Variants in NPAS3 observed in about 807,000 individuals in gnomAD.
NPAS3 encodes the protein neuronal PAS domain-containing protein 3.
A neutral mutation model predicts 73.1 loss-of-function variants in NPAS3; 14 were observed. The ratio of observed to expected loss-of-function variants is 0.19; its 90% CI spans 0.13 to 0.30. NPAS3 has a LOEUF of 0.30. Among genes scored for constraint, NPAS3 ranks in the 10% least tolerant of loss-of-function variants. NPAS3 has a pLI of 1.00. For synonymous variants in NPAS3, 620 were observed against 541.5 expected, an observed-to-expected ratio of 1.14 and a Z score of -2.01; for missense variants, 1,096 against 1,250.0, an observed-to-expected ratio of 0.88 and a Z score of 1.86.
intron 4 of NPAS3, among the ~76,000 whole-genome samples, chr14:33,550,526 G>A (rs1195375430): frequency 1.3e-5 from 2 of 152,212 alleles, no homozygotes; most frequent in African/African-American, 2.4e-5. Flanking sequence ...GGCACATGGG[G>A]ATAAAAGCAG....
At chr14:33,764,023 A>G (rs17101863) in intron 7 of NPAS3, among the ~76,000 whole-genome samples, 3,979 of 152,226 alleles carry the variant, frequency 0.026, 177 homozygotes, top group African/African-American at 0.089. Flanking sequence ...CTACCCATCT[A>G]CATGGACAAT....
chr14:33,326,442 A>C (rs2043709913), intron 3 of NPAS3, among the ~76,000 whole-genome samples: 1 of 152,186 alleles, frequency 6.6e-6, no homozygotes, highest in African/African-American at 2.4e-5. Context: ...AACTTCGGCA[A>C]GTTAGAAAGT....
chr14:33,786,750 A>G (rs921357398), intron 9 of NPAS3, among the ~76,000 whole-genome samples: 1 of 152,220 alleles, frequency 6.6e-6, no homozygotes, highest in Non-Finnish European at 1.5e-5. Context: ...AACTTTTTCA[A>G]CAACCTCTCA....
rs1388921278 is a variant in NPAS3, at chr14:33,252,049, GTGTGTGTC to G, written c.385+36631_385+36638del. Among the ~76,000 whole-genome samples the G allele has an allele frequency of 8.7e-4, 73 of 83,840 alleles. 1 individual carries two copies. Among genetic ancestry groups the G allele is most frequent in the African/African-American group, 2.8e-3 (71 of 25,406 alleles). The allele number at this position is 83,840 out of a possible 152,430, so 55.0% of individuals were successfully genotyped here. ...GAACCTTTCGTGGGTGTTTGCGTGTGTGTGTGTCTGTGTGTGTGTGTGTGTGTGTGTGT... is the reference window on the plus strand; with the variant it reads ...GAACCTTTCGTGGGTGTTTGCGTGTGTGTGTGTGTGTGTGTGTGTGTGTGT... On this transcript the variant is annotated intron_variant, in intron 3 of 11. Coordinates refer to ENST00000356141, the Ensembl canonical transcript of NPAS3.
chr14:33,577,556 A>G (rs2056486825), intron 5 of NPAS3, among the ~76,000 whole-genome samples: 1 of 152,164 alleles, frequency 6.6e-6, no homozygotes. Flanking sequence ...ACACAGAGAG[A>G]ACCAGGAAGT....
chr14:33,172,495 G>A (rs2045428712), intron 2 of NPAS3, among the ~76,000 whole-genome samples: 1 of 152,104 alleles, frequency 6.6e-6, no homozygotes, highest in African/African-American at 2.4e-5. Flanking sequence ...CAGCATTTTG[G>A]GAGGCCAAGG....
At chr14:32,957,413 G>T (rs1303679207) in intron 1 of NPAS3, among the ~76,000 whole-genome samples, 1 of 147,250 alleles carries the variant, frequency 6.8e-6, no homozygotes, top group Non-Finnish European at 1.5e-5. Context: ...GCTCTGTGGC[G>T]CAGGCTGGAG....
At chr14:33,502,371 A>T (rs571740321) in intron 4 of NPAS3, among the ~76,000 whole-genome samples, 1 of 151,502 alleles carries the variant, frequency 6.6e-6, no homozygotes, top group African/African-American at 2.4e-5. Flanking sequence ...ATTTACATCT[A>T]GCTTCTTACC....
At chr14:33,571,672 C>G (rs916970205) in intron 5 of NPAS3, among the ~76,000 whole-genome samples, 2 of 152,194 alleles carry the variant, frequency 1.3e-5, no homozygotes, top group African/African-American at 2.4e-5. Context: ...GCGTCCCTAG[C>G]AATTGCCTGC....
intron 7 of NPAS3, among the ~76,000 whole-genome samples, chr14:33,737,250 G>A (rs2061545585): frequency 6.6e-6 from 1 of 152,164 alleles, no homozygotes; most frequent in Non-Finnish European, 1.5e-5. Context: ...CGCTGAGGAG[G>A]CGGGATGTCA....
chr14:33,238,204 A>G (rs1245137378), intron 3 of NPAS3, among the ~76,000 whole-genome samples: 1 of 151,922 alleles, frequency 6.6e-6, no homozygotes, highest in African/African-American at 2.4e-5. Context: ...TTACCTGCAG[A>G]CCCCAGACAG....
chr14:33,249,350 CT>C (rs5807709), intron 3 of NPAS3, among the ~76,000 whole-genome samples: 90,445 of 147,038 alleles, frequency 0.62, 28,357 homozygotes, highest in Non-Finnish European at 0.66. Flanking sequence ...TCCCCCCCAC[CT>C]TTTTTTTTTT....
intron 1 of NPAS3, among the ~76,000 whole-genome samples, chr14:32,944,333 G>A (rs2036161778): frequency 6.6e-6 from 1 of 152,132 alleles, no homozygotes; most frequent in Non-Finnish European, 1.5e-5. Flanking sequence ...TTATAGACGT[G>A]TCTTTAATTG....
At chr14:33,340,318 A>G (rs1382833609) in intron 3 of NPAS3, among the ~76,000 whole-genome samples, 1 of 152,180 alleles carries the variant, frequency 6.6e-6, no homozygotes, top group Non-Finnish European at 1.5e-5. Flanking sequence ...AACATGGCGA[A>G]ACCCTGTCTC....
At chr14:33,057,595 T>G (rs952899092) in intron 2 of NPAS3, among the ~76,000 whole-genome samples, 1 of 152,204 alleles carries the variant, frequency 6.6e-6, no homozygotes, top group Non-Finnish European at 1.5e-5. Flanking sequence ...GGAGCCCGGA[T>G]GGGGCCACCA....
intron 1 of NPAS3, among the ~76,000 whole-genome samples, chr14:32,972,430 A>G (rs1228727349): frequency 6.6e-6 from 1 of 152,242 alleles, no homozygotes; most frequent in Non-Finnish European, 1.5e-5. Flanking sequence ...TCATAAAATC[A>G]AGTTTGCTCA....
At chr14:33,242,797 T>C (rs1420195938) in intron 3 of NPAS3, among the ~76,000 whole-genome samples, 1 of 152,172 alleles carries the variant, frequency 6.6e-6, no homozygotes, top group Admixed American at 6.6e-5. Context: ...GTGCTTACAT[T>C]GCTCCAAGAT....
chr14:33,772,339 C>T (rs1414539054), intron 7 of NPAS3, among the ~76,000 whole-genome samples: 1 of 152,134 alleles, frequency 6.6e-6, no homozygotes, highest in Non-Finnish European at 1.5e-5. Context: ...CTTCAATAGA[C>T]TCCTACTGGA....
chr14:33,206,932 T>C (rs1403944103), intron 2 of NPAS3, among the ~76,000 whole-genome samples: 6 of 152,244 alleles, frequency 3.9e-5, no homozygotes, highest in Middle Eastern at 3.4e-3. Context: ...CATTTAGCTG[T>C]GGACTTTCCT....
Sources: gnomAD v4.1 joint callset for allele counts (sites outside exome capture counted in the v4.1 genomes callset) on GRCh38, gnomAD v4.1.1 for gene constraint, MANE v1.5 for transcripts, NCBI Gene and HGNC (gene_info 2026-07-23, HGNC 2026-07-21) for gene names.